The following ZNF131 variants were observed in gnomAD, a reference collection of about 807,000 sequenced individuals.
ZNF131 encodes zinc finger protein 131.
Under a neutral mutation model 60.0 loss-of-function variants are expected in ZNF131, and 7 were observed. The observed-to-expected ratio is 0.12, with a 90% confidence interval of 0.07 to 0.22. The LOEUF (loss-of-function observed/expected upper bound fraction) is 0.22, where lower values mean the gene tolerates loss of function less well. Among genes scored for constraint, ZNF131 ranks in the 10% least tolerant of loss-of-function variants. ZNF131 has a pLI of 1.00. For missense variants in ZNF131, 493 were observed against 740.9 expected (o/e 0.67, Z 3.88); for synonymous variants, 257 against 253.2 (o/e 1.01, Z -0.14).
rs1012715265 is a variant in ZNF131 at position 43,123,089 on chromosome 5, G to T, written c.125-120G>T. 79 of 663,762 alleles carry T rather than the reference G, an allele frequency of 1.2e-4. 1 individual carries two copies. In the African/African-American group the frequency reaches 1.4e-3, roughly 11 times the overall value. The allele number at this position is 663,762 out of a possible 1,614,324, so 41.1% of individuals were successfully genotyped here. ...TTCTGCATTTAGTTCAATAATTTCT[G>T]TAGTTACGTAATGAAGGAAGACCTA... On this transcript the variant is annotated intron_variant, in intron 2 of 6. Transcript: ENST00000682664.
chr5:43,147,407 T>C (rs1386326933), intron 4 of ZNF131, among the ~76,000 whole-genome samples: 1 of 150,228 alleles, frequency 6.7e-6, no homozygotes, highest in African/African-American at 2.5e-5. Flanking sequence ...TTTTTTATTT[T>C]ATTTTATTTA....
chr5:43,155,451 G>T lies in ZNF131; in HGVS notation c.372-5798G>T, dbSNP rs777534615. On this transcript the variant is annotated intron_variant, in intron 4 of 6. Coordinates refer to ENST00000682664, the MANE Select transcript of ZNF131 (RefSeq NM_001330707.2). ...TCCAAAACCCAAGTAATAACCGTTG[G>T]GTAGAGGCTGCCTCCTTTTGCCAGA... 2.6e-4 allele frequency among the ~76,000 whole-genome samples: 40 copies of T among 152,256 alleles called. No individual in the cohort carries two copies. The Middle Eastern group carries it at 0.014, about 52-fold the overall frequency.
At chr5:43,146,275 A>G (rs927426323) in intron 4 of ZNF131, among the ~76,000 whole-genome samples, 23 of 152,304 alleles carry the variant, frequency 1.5e-4, no homozygotes, top group Admixed American at 1.2e-3. Flanking sequence ...CTTTGCTGAC[A>G]TTACATTATT....
chr5:43,133,862 A>AC, intron 3 of ZNF131, among the ~76,000 whole-genome samples: 1 of 152,246 alleles, frequency 6.6e-6, no homozygotes, highest in Non-Finnish European at 1.5e-5. Flanking sequence ...ACAGATGTAC[A>AC]ACTGCTGTAG....
chr5:43,156,601 G>A (rs749244716), intron 4 of ZNF131, among the ~76,000 whole-genome samples: 43 of 152,280 alleles, frequency 2.8e-4, no homozygotes, highest in Non-Finnish European at 4.7e-4. Flanking sequence ...TCAGTGTAAC[G>A]TCATCCCTGC....
rs113819139 is a variant in ZNF131 at position 43,141,599 on chromosome 5, A to G, written c.371+2290A>G. The stretch of plus-strand genomic sequence containing the variant: ...GCCTGGGCACCATGGTGAAACGCCA[A>G]CTCTATGAAAAATACAAAAATTAGC... On this transcript the variant is annotated intron_variant, in intron 4 of 6. Transcript: ENST00000682664. 1.6e-4 allele frequency among the ~76,000 whole-genome samples: 24 copies of G among 151,808 alleles called. 1 individual carries two copies. Among genetic ancestry groups the G allele is most frequent in the East Asian group, 5.8e-4 (3 of 5,132 alleles).
At chr5:43,144,399 T>G (rs1003653511) in intron 4 of ZNF131, among the ~76,000 whole-genome samples, 1 of 151,924 alleles carries the variant, frequency 6.6e-6, no homozygotes, top group African/African-American at 2.4e-5. Flanking sequence ...CAACTAATTT[T>G]TTTTACTTTT....
chr5:43,122,889 C>T (rs556825873), intron 2 of ZNF131, among the ~76,000 whole-genome samples: 1 of 152,236 alleles, frequency 6.6e-6, no homozygotes, highest in Non-Finnish European at 1.5e-5. Flanking sequence ...TTTTATTTAG[C>T]AGTTTCAACT....
chr5:43,161,048 A>G (rs1024351629), intron 4 of ZNF131, among the ~76,000 whole-genome samples: 2 of 152,128 alleles, frequency 1.3e-5, no homozygotes, highest in African/African-American at 4.8e-5. Context: ...ACTTTATTCC[A>G]TTAATCTTCG....
intron 5 of ZNF131, among the ~76,000 whole-genome samples, chr5:43,169,296 ATAAT>A (rs1407612885): frequency 3.9e-5 from 6 of 152,224 alleles, no homozygotes; most frequent in Non-Finnish European, 5.9e-5. Flanking sequence ...CACATCTAAA[ATAAT>A]TAATATGTTT....
intron 3 of ZNF131, among the ~76,000 whole-genome samples, chr5:43,136,691 C>A (rs188040896): frequency 7.2e-6 from 1 of 138,364 alleles, no homozygotes; most frequent in Admixed American, 8.0e-5. Flanking sequence ...TTCACCATAT[C>A]GACCAGGCTG....
intron 4 of ZNF131, among the ~76,000 whole-genome samples, chr5:43,154,274 C>T (rs892896194): frequency 6.6e-6 from 1 of 152,060 alleles, no homozygotes; most frequent in South Asian, 2.1e-4. Flanking sequence ...GTTAGCCAGG[C>T]GTGGTGGCGT....
intron 3 of ZNF131, among the ~76,000 whole-genome samples, chr5:43,125,429 G>T (rs1385076097): frequency 6.6e-6 from 1 of 151,560 alleles, no homozygotes; most frequent in East Asian, 2.0e-4. Context: ...AAAGTGCTGG[G>T]ATTACAGGCG....
chr5:43,142,470 A>AT (rs1341647050), intron 4 of ZNF131, among the ~76,000 whole-genome samples: 17 of 150,486 alleles, frequency 1.1e-4, no homozygotes, highest in African/African-American at 3.9e-4. Context: ...CACCCGGCTA[A>AT]TTTTTTTGTA....
At position 43,122,104 on chromosome 5, in the gene ZNF131, T is replaced by A; in HGVS notation, c.51T>A (p.His17Gln). 1 of 1,614,146 alleles carries A rather than the reference T, an allele frequency of 6.2e-7. No individual in the cohort carries two copies. Among genetic ancestry groups the A allele is most frequent in the Non-Finnish European group, 8.5e-7 (1 of 1,180,024 alleles). Reference sequence around the variant, plus strand: ...GCCTTCAGGAGTTCCCTGAACATCATAAAATGATCCTCGACCGATTGAATG... The same window carrying A: ...GCCTTCAGGAGTTCCCTGAACATCAAAAAATGATCCTCGACCGATTGAATG... ...MECLQEFPEH[H>Q]KMILDRLNEQ... The change falls in exon 2 of 7, where the codon CAT (histidine) becomes CAA (glutamine). Residue 17 changes from histidine (H) to glutamine (Q), a missense_variant. His to Gln is a conservative substitution (Grantham distance 24). This residue lies in a region of ZNF131 where 66 missense variants were observed against 148.0 expected (regional missense o/e 0.45). Transcript: ENST00000682664.
chr5:43,132,646 G>A (rs1177928514), intron 3 of ZNF131, among the ~76,000 whole-genome samples: 1 of 151,718 alleles, frequency 6.6e-6, no homozygotes, highest in East Asian at 1.9e-4. Flanking sequence ...CAGTAGCTGG[G>A]ATTACAGGCG....
chr5:43,150,277 T>C (rs1748133034), intron 4 of ZNF131, among the ~76,000 whole-genome samples: 1 of 152,202 alleles, frequency 6.6e-6, no homozygotes, highest in Non-Finnish European at 1.5e-5. Flanking sequence ...GAGGACAGGC[T>C]CTGTTTTCCA....
chr5:43,171,403 A>G (rs181083876), intron 5 of ZNF131, among the ~76,000 whole-genome samples: 1 of 152,206 alleles, frequency 6.6e-6, no homozygotes, highest in Admixed American at 6.5e-5. Flanking sequence ...TAAATAATGG[A>G]TGTCCCTCCT....
At chr5:43,150,863 A>G (rs1317557751) in intron 4 of ZNF131, among the ~76,000 whole-genome samples, 2 of 152,328 alleles carry the variant, frequency 1.3e-5, no homozygotes, top group East Asian at 3.9e-4. Flanking sequence ...ATTGAAGTCA[A>G]CAGAACTTCA....
Sources: allele counts gnomAD v4.1 joint callset (sites outside exome capture counted in the v4.1 genomes callset), GRCh38; gene constraint gnomAD v4.1.1; regional missense constraint gnomAD v4.1.1; transcripts MANE v1.5; gene names NCBI Gene and HGNC (gene_info 2026-07-23, HGNC 2026-07-21).